FCHO2: variants seen among roughly 807,000 people sequenced by gnomAD.
The protein encoded by FCHO2 is F-BAR domain only protein 2.
In FCHO2, 43 loss-of-function variants were observed where a neutral mutation model predicts 114.1. The observed-to-expected ratio is 0.38, with a 90% CI of 0.30 to 0.49. The LOEUF (loss-of-function observed/expected upper bound fraction) is 0.49. FCHO2 is among the 20% of genes least tolerant of loss of function. The probability of loss-of-function intolerance (pLI) is 0.97; values close to 1 mark genes in which losing one functional copy is unlikely to be tolerated. For synonymous variants in FCHO2, 293 were observed against 315.2 expected (o/e 0.93, Z 0.75); for missense variants, 807 against 950.4 (o/e 0.85, Z 1.98).
intron 11 of FCHO2, among the ~76,000 whole-genome samples, chr5:73,043,202 G>A (rs553252221): frequency 3.3e-5 from 5 of 152,254 alleles, no homozygotes; most frequent in Admixed American, 1.3e-4. Context: ...AGAGTGCTGG[G>A]ATTACAGGTG....
intron 6 of FCHO2, among the ~76,000 whole-genome samples, chr5:73,009,509 T>A (rs1006156297): frequency 6.6e-6 from 1 of 152,216 alleles, no homozygotes; most frequent in African/African-American, 2.4e-5. Flanking sequence ...ATTTTAATTG[T>A]TCATCCTGCC....
At chr5:72,964,357 G>A (rs563652066) in intron 1 of FCHO2, among the ~76,000 whole-genome samples, 6 of 152,148 alleles carry the variant, frequency 3.9e-5, no homozygotes, top group African/African-American at 7.2e-5. Flanking sequence ...GCATCAAATC[G>A]TTCTGACTGC....
chr5:72,996,517 C>G (rs144314247), intron 5 of FCHO2, among the ~76,000 whole-genome samples: 1 of 151,948 alleles, frequency 6.6e-6, no homozygotes, highest in Non-Finnish European at 1.5e-5. Flanking sequence ...AAGCTATTGA[C>G]TCTCTGCTTA....
At chr5:73,006,336 C>A in intron 5 of FCHO2, 109 bp from the exon 6 acceptor site, 1 of 601,464 alleles carries the variant, frequency 1.7e-6, no homozygotes, top group Non-Finnish European at 2.6e-6. Context: ...AGTTATATGT[C>A]ATATTGAACT....
chr5:72,990,502 A>G lies in FCHO2; in HGVS notation c.225A>G (p.Val75=). The change falls in exon 4 of 26, where the codon GTA becomes GTG. Residue 75 remains valine, a synonymous_variant. Transcript: ENST00000430046. ...QLGTFAPVWD[V]FKTSTEKLAN... is the part of the protein sequence containing the mutation. ...GAACATTTGCACCAGTATGGGATGT[A>G]TTCAAAACATCTACAGAGAAATTAG... 6.5e-7 allele frequency: 1 copy of G among 1,528,476 alleles called. No individual in the cohort carries two copies. Among genetic ancestry groups the G allele is most frequent in the Non-Finnish European group, 8.8e-7 (1 of 1,140,396 alleles). 94.7% of individuals were successfully genotyped at this position (1,528,476 alleles called of 1,614,324 possible).
In FCHO2 at chr5:73,015,628, A is replaced by G; in HGVS notation, c.603A>G (p.Lys201=). The change falls in exon 7 of 26, where the codon AAA becomes AAG. Residue 201 remains lysine, a splice_region_variant and synonymous_variant. Coordinates refer to ENST00000430046, the MANE Select transcript of FCHO2 (RefSeq NM_138782.3). The part of the protein sequence containing the change: ...FEQKMTETAQ[K]FQDIEETHLI... ...ATAACTTTGTATATGTTACCCAGAA[A>G]TTTCAAGATATTGAAGAAACTCATC... 6.5e-7 allele frequency: 1 copy of G among 1,540,800 alleles called. No homozygotes were observed. Among genetic ancestry groups the G allele is most frequent in the Non-Finnish European group, 8.8e-7 (1 of 1,135,908 alleles).
At chr5:72,968,363 T>G (rs1448654496) in intron 1 of FCHO2, 135 bp from the exon 2 acceptor site, 1 of 561,872 alleles carries the variant, frequency 1.8e-6, no homozygotes, top group African/African-American at 2.0e-5. Flanking sequence ...TTTAAAATCA[T>G]ACAATAAATG....
intron 5 of FCHO2, chr5:72,997,509 T>TC: frequency 7.0e-7 from 1 of 1,438,210 alleles, no homozygotes; most frequent in Non-Finnish European, 9.8e-7. Flanking sequence ...GACAAGGCCA[T>TC]CACCATCAAA....
intron 23 of FCHO2, 100 bp from the exon 24 acceptor site, chr5:73,082,661 G>A: frequency 4.5e-6 from 4 of 897,598 alleles, no homozygotes; most frequent in African/African-American, 1.7e-5. Context: ...TATATTTGTT[G>A]TAGTGAAAAT....
Position 73,058,464 on chromosome 5 carries a change from C to T in FCHO2, c.1285C>T (p.Pro429Ser), listed in dbSNP as rs1180660864. The T allele has an allele frequency of 6.4e-7, 1 of 1,574,022 alleles. No homozygotes were observed. Among genetic ancestry groups the T allele is most frequent in the African/African-American group, 1.4e-5 (1 of 74,002 alleles). ...KGTSDLLAWD[P>S]LFGPSLDSSS... ...AACCAGTGATTTACTTGCTTGGGAC[C>T]CCCTATTTGGACCATCTCTTGATTC... The change falls in exon 17 of 26, where the codon CCC (proline) becomes TCC (serine). Residue 429 changes from proline to serine, a missense_variant. Pro to Ser is a moderately conservative substitution (Grantham distance 74). Coordinates refer to ENST00000430046, the MANE Select transcript of FCHO2 (RefSeq NM_138782.3).
At chr5:72,987,698 A>T (rs543447870) in intron 2 of FCHO2, among the ~76,000 whole-genome samples, 2 of 152,320 alleles carry the variant, frequency 1.3e-5, no homozygotes, top group East Asian at 3.9e-4. Context: ...TTAAACTCAC[A>T]CATTGATATA....
chr5:73,026,935 A>G (rs1044991513), intron 8 of FCHO2, among the ~76,000 whole-genome samples: 7 of 148,828 alleles, frequency 4.7e-5, no homozygotes, highest in African/African-American at 1.5e-4. Context: ...GAAGCAGTCC[A>G]CCTGCCTCAG....
Position 73,089,363 on chromosome 5 carries a change from CAGA to C in FCHO2, c.*1276_*1278del, listed in dbSNP as rs1743412350. 6.6e-6 allele frequency: 1 copy of C among 152,018 alleles called. No homozygotes were observed. Among genetic ancestry groups the C allele is most frequent in the South Asian group, 2.1e-4 (1 of 4,834 alleles). The allele number at this position is 152,018 out of a possible 1,614,324, so 9.4% of individuals were successfully genotyped here. A position where few individuals can be genotyped will look rare whatever the true frequency, so the allele number is the denominator to read the frequency against. ...TTTTTTAAAAGATTAATTTTGGAAA[CAGA>C]AGGAGAAGCACTGCCATTTGTTTTT... On this transcript the variant is annotated 3_prime_UTR_variant, in exon 26 of 26. Transcript: ENST00000430046.
chr5:73,008,091 G>A (rs1044037061), intron 6 of FCHO2, among the ~76,000 whole-genome samples: 1 of 152,168 alleles, frequency 6.6e-6, no homozygotes, highest in Non-Finnish European at 1.5e-5. Context: ...TGATACACAA[G>A]GACTAGGTTA....
Position 73,034,645 on chromosome 5 carries a change from C to T in FCHO2, c.797-12C>T. On this transcript the variant is annotated splice_polypyrimidine_tract_variant and intron_variant, in intron 8 of 25. Coordinates refer to ENST00000430046, the MANE Select transcript of FCHO2 (RefSeq NM_138782.3). Reference sequence around the variant, plus strand: ...TTTTCTACTAGAAGTTTTTCAATTTCTTTTTTTCCAGGCCTCATTGAATTT... The same window carrying T: ...TTTTCTACTAGAAGTTTTTCAATTTTTTTTTTTCCAGGCCTCATTGAATTT... 3 of 1,575,856 alleles carry T rather than the reference C, an allele frequency of 1.9e-6. No homozygotes were observed. Among genetic ancestry groups the T allele is most frequent in the Admixed American group, 2.0e-5 (1 of 49,530 alleles).
At chr5:73,033,456 T>C (rs1756338835) in intron 8 of FCHO2, among the ~76,000 whole-genome samples, 3 of 152,116 alleles carry the variant, frequency 2.0e-5, no homozygotes, top group Admixed American at 2.0e-4. Context: ...ATCTTTCTTG[T>C]TAATCAATCA....
intron 5 of FCHO2, among the ~76,000 whole-genome samples, chr5:73,004,444 T>C (rs1754607186): frequency 6.6e-6 from 1 of 152,178 alleles, no homozygotes; most frequent in Non-Finnish European, 1.5e-5. Flanking sequence ...TCGCTAGGGA[T>C]AGGCAGCTCA....
At chr5:73,062,692 C>A (rs908295169) in intron 17 of FCHO2, among the ~76,000 whole-genome samples, 1 of 151,946 alleles carries the variant, frequency 6.6e-6, no homozygotes, top group African/African-American at 2.4e-5. Flanking sequence ...TTATGGTATG[C>A]TTTCTAAGTG....
intron 5 of FCHO2, among the ~76,000 whole-genome samples, chr5:72,999,344 A>G (rs1414859574): frequency 6.6e-6 from 1 of 150,612 alleles, no homozygotes; most frequent in Admixed American, 6.6e-5. Flanking sequence ...GTGTTATAAC[A>G]TAATTTGGTT....
Sources: allele counts gnomAD v4.1 joint callset (sites outside exome capture counted in the v4.1 genomes callset), GRCh38; gene constraint gnomAD v4.1.1; transcripts MANE v1.5; gene names NCBI Gene and HGNC (gene_info 2026-07-23, HGNC 2026-07-21).